PTPRD: variants seen among roughly 807,000 people sequenced by gnomAD.
The protein encoded by PTPRD is protein tyrosine phosphatase receptor type D.
A neutral mutation model predicts 214.5 loss-of-function variants in PTPRD; 34 were observed. The ratio of observed to expected loss-of-function variants is 0.16; its 90% confidence interval spans 0.12 to 0.21. PTPRD has a LOEUF of 0.21. Among genes scored for constraint, PTPRD ranks in the 10% least tolerant of loss-of-function variants. The pLI is 1.00. For missense variants in PTPRD, 2,545 were observed against 2,398.7 expected, an observed-to-expected ratio of 1.06 and a Z score of -1.27; for synonymous variants, 1,128 against 845.7, an observed-to-expected ratio of 1.33 and a Z score of -5.79.
At chr9:9,139,256 G>C (rs1408166492) in intron 10 of PTPRD, among the ~76,000 whole-genome samples, 1 of 152,150 alleles carries the variant, frequency 6.6e-6, no homozygotes, top group Admixed American at 6.6e-5. Context: ...GTGACTTAAA[G>C]TGGAACAACA....
At chr9:8,454,424 T>C (rs1008734581) in intron 33 of PTPRD, among the ~76,000 whole-genome samples, 1 of 152,198 alleles carries the variant, frequency 6.6e-6, no homozygotes, top group Non-Finnish European at 1.5e-5. Flanking sequence ...ATCATCTTAA[T>C]GAAGTTACTG....
chr9:9,350,286 C>T (rs1216192649), intron 9 of PTPRD, among the ~76,000 whole-genome samples: 1 of 152,058 alleles, frequency 6.6e-6, no homozygotes, highest in Non-Finnish European at 1.5e-5. Context: ...AGCTCAGAAG[C>T]AAATAAGCAG....
chr9:10,046,393 T>G (rs147571829), intron 3 of PTPRD, among the ~76,000 whole-genome samples: 3 of 151,978 alleles, frequency 2.0e-5, no homozygotes, highest in Non-Finnish European at 4.4e-5. Flanking sequence ...AGCCACAATA[T>G]TCAAAGTTGT....
chr9:9,546,781 T>C (rs1451505921), intron 8 of PTPRD, among the ~76,000 whole-genome samples: 1 of 151,768 alleles, frequency 6.6e-6, no homozygotes, highest in Non-Finnish European at 1.5e-5. Context: ...ATTTAATCTA[T>C]AATGAAAAAT....
intron 12 of PTPRD, among the ~76,000 whole-genome samples, chr9:8,729,097 T>C (rs1209658878): frequency 2.6e-5 from 4 of 152,254 alleles, no homozygotes; most frequent in African/African-American, 4.8e-5. Flanking sequence ...AGGCACTGTA[T>C]TACTGTGTTT....
At chr9:9,631,092 G>C (rs1470845529) in intron 7 of PTPRD, among the ~76,000 whole-genome samples, 4 of 151,988 alleles carry the variant, frequency 2.6e-5, no homozygotes, top group African/African-American at 9.7e-5. Flanking sequence ...CAGAGCATTT[G>C]TAATCACATA....
rs10977340 is a variant in PTPRD, at chr9:8,894,958, G to A, written c.-104+123739C>T. ...CAAGAGATCTGCTTGTGGCAAAACC[G>A]AAAAAGGAATCAAGTCTCTTCACTT... On this transcript the variant is annotated intron_variant, in intron 11 of 45. Transcript: ENST00000381196. 1.4e-4 allele frequency among the ~76,000 whole-genome samples: 21 copies of A among 152,194 alleles called. No individual in the cohort carries two copies. In the East Asian group the frequency reaches 3.3e-3, roughly 24 times the overall value.
chr9:8,423,819 G>C (rs2094503090), intron 35 of PTPRD, among the ~76,000 whole-genome samples: 1 of 151,950 alleles, frequency 6.6e-6, no homozygotes, highest in Admixed American at 6.6e-5. Context: ...TCAACCATCT[G>C]CTTTTTTTTT....
At chr9:9,831,224 C>G (rs181485319) in intron 5 of PTPRD, among the ~76,000 whole-genome samples, 1 of 151,896 alleles carries the variant, frequency 6.6e-6, no homozygotes, top group Non-Finnish European at 1.5e-5. Context: ...GTGAACGACA[C>G]ACACTTCTAA....
chr9:10,230,841 G>A (rs2099606913), intron 3 of PTPRD, among the ~76,000 whole-genome samples: 1 of 151,960 alleles, frequency 6.6e-6, no homozygotes, highest in Non-Finnish European at 1.5e-5. Flanking sequence ...ATTTGCATCG[G>A]TTGTGGAAGG....
intron 8 of PTPRD, among the ~76,000 whole-genome samples, chr9:9,450,990 C>CACACACAG (rs2092009641): frequency 6.7e-6 from 1 of 148,640 alleles, no homozygotes; most frequent in African/African-American, 2.5e-5. Context: ...CACACACAGA[C>CACACACAG]ACACAGTCAA....
At chr9:9,001,909 C>A (rs2099421020) in intron 11 of PTPRD, among the ~76,000 whole-genome samples, 1 of 150,676 alleles carries the variant, frequency 6.6e-6, no homozygotes, top group Middle Eastern at 3.4e-3. Flanking sequence ...ATGCAATAAG[C>A]ACCTATCTAG....
chr9:9,323,957 G>C (rs912521696), intron 9 of PTPRD, among the ~76,000 whole-genome samples: 1 of 152,106 alleles, frequency 6.6e-6, no homozygotes, highest in Non-Finnish European at 1.5e-5. Flanking sequence ...TTCTGTCCTT[G>C]TGACAGTTTG....
At chr9:8,845,247 C>T (rs1043967040) in intron 11 of PTPRD, among the ~76,000 whole-genome samples, 11 of 151,952 alleles carry the variant, frequency 7.2e-5, no homozygotes, top group African/African-American at 2.7e-4. Flanking sequence ...ACCACTTATA[C>T]TTTTGAAAAA....
At chr9:9,011,171 T>C (rs552294478) in intron 11 of PTPRD, among the ~76,000 whole-genome samples, 1 of 152,174 alleles carries the variant, frequency 6.6e-6, no homozygotes, top group African/African-American at 2.4e-5. Flanking sequence ...TCCAGGAAGA[T>C]ACAAAAGTGG....
chr9:10,133,041 T>C (rs545402924), intron 3 of PTPRD, among the ~76,000 whole-genome samples: 1 of 152,310 alleles, frequency 6.6e-6, no homozygotes, highest in East Asian at 1.9e-4. Context: ...TTCCATGGCA[T>C]GAGAACACTC....
chr9:8,369,377 C>T (rs2080861705), intron 39 of PTPRD, among the ~76,000 whole-genome samples: 1 of 151,858 alleles, frequency 6.6e-6, no homozygotes, highest in Non-Finnish European at 1.5e-5. Flanking sequence ...TACATAGTTT[C>T]CTGGTTGTGC....
intron 3 of PTPRD, among the ~76,000 whole-genome samples, chr9:10,304,574 C>A (rs555275656): frequency 1.3e-5 from 2 of 152,204 alleles, no homozygotes; most frequent in African/African-American, 2.4e-5. Context: ...TCTCAGGATA[C>A]AAAACCAATG....
chr9:8,965,774 G>A (rs1463972863), intron 11 of PTPRD, among the ~76,000 whole-genome samples: 1 of 152,062 alleles, frequency 6.6e-6, no homozygotes, highest in South Asian at 2.1e-4. Flanking sequence ...CATAGCATCA[G>A]AAGTTCTAGC....
Sources: allele counts gnomAD v4.1 joint callset (sites outside exome capture counted in the v4.1 genomes callset), GRCh38; gene constraint gnomAD v4.1.1; transcripts MANE v1.5; gene names NCBI Gene and HGNC (gene_info 2026-07-23, HGNC 2026-07-21).